HS3ST4: variants seen among roughly 807,000 people sequenced by gnomAD.
HS3ST4 encodes the protein heparan sulfate glucosamine 3-O-sulfotransferase 4.
In HS3ST4, 17 loss-of-function variants were observed where a neutral mutation model predicts 29.2. That is an observed-to-expected ratio of 0.58 (90% CI 0.40 to 0.87). The LOEUF is 0.87. Ranked by LOEUF, HS3ST4 falls within the 40% of genes least tolerant of loss-of-function variation. The pLI, the probability that HS3ST4 is intolerant of heterozygous loss-of-function variation, is 0.00. For synonymous variants in HS3ST4, 314 were observed against 285.7 expected (o/e 1.10, Z -1.00); for missense variants, 627 against 634.5 (o/e 0.99, Z 0.13).
chr16:25,788,722 G>T (rs539958351), intron 1 of HS3ST4, among the ~76,000 whole-genome samples: 6 of 149,674 alleles, frequency 4.0e-5, no homozygotes, highest in Non-Finnish European at 5.9e-5. Context: ...TTTTTTTTTT[G>T]TAGAGATGGG....
rs114002848 is a variant in HS3ST4 at position 25,936,188 on chromosome 16, G to A, written c.735-199424G>A. On this transcript the variant is annotated intron_variant, in intron 1 of 1. Transcript: ENST00000331351. The stretch of plus-strand genomic sequence containing the variant: ...AATGATACCATTATGTGGATTTCCA[G>A]CAGGAATGGATATTTCTTTCAGCAC... Among the ~76,000 whole-genome samples, 734 of 152,294 alleles carry A rather than the reference G, an allele frequency of 4.8e-3. 8 individuals are homozygous for A. Among genetic ancestry groups the A allele is most frequent in the African/African-American group, 0.017 (692 of 41,550 alleles).
At position 25,849,108 on chromosome 16, in the gene HS3ST4, T is replaced by C. The variant is rs149873403; in HGVS notation, c.734+155957T>C. 4.9e-4 allele frequency among the ~76,000 whole-genome samples: 74 copies of C among 152,344 alleles called. 1 individual carries two copies. The highest frequency in any genetic ancestry group is 1.6e-3 in the African/African-American group (68 of 41,580). ...TTTTTGGTTCTTGGCCATCTGTTTG[T>C]TAATAATGTCTACATTTACTGTGTT... On this transcript the variant is annotated intron_variant, in intron 1 of 1. Transcript: ENST00000331351.
intron 1 of HS3ST4, among the ~76,000 whole-genome samples, chr16:25,847,013 GT>G (rs5816327): frequency 0.35 from 48,998 of 138,214 alleles, 7,791 homozygotes; most frequent in Middle Eastern, 0.47. Context: ...ATCAACACGA[GT>G]TTTTTTTTTT....
intron 1 of HS3ST4, among the ~76,000 whole-genome samples, chr16:25,819,536 T>G (rs759177866): frequency 1.1e-4 from 16 of 152,136 alleles, no homozygotes; most frequent in Non-Finnish European, 1.8e-4. Flanking sequence ...GGCCGTCTGT[T>G]TTGCGCTGGT....
At chr16:25,925,003 T>A (rs902716621) in intron 1 of HS3ST4, among the ~76,000 whole-genome samples, 3 of 152,034 alleles carry the variant, frequency 2.0e-5, no homozygotes, top group African/African-American at 7.3e-5. Flanking sequence ...ATACAGGGCA[T>A]GTAATAAATC....
At chr16:26,031,268 C>T (rs1028508231) in intron 1 of HS3ST4, among the ~76,000 whole-genome samples, 1 of 152,050 alleles carries the variant, frequency 6.6e-6, no homozygotes, top group Non-Finnish European at 1.5e-5. Context: ...CGCCACTCCC[C>T]GCCCCGGGAA....
chr16:26,023,705 C>T (rs1261748117), intron 1 of HS3ST4, among the ~76,000 whole-genome samples: 1 of 152,016 alleles, frequency 6.6e-6, no homozygotes, highest in Non-Finnish European at 1.5e-5. Context: ...TCCCACCTGG[C>T]CAATAATTTA....
At chr16:25,732,989 A>T (rs1966581608) in intron 1 of HS3ST4, among the ~76,000 whole-genome samples, 1 of 151,956 alleles carries the variant, frequency 6.6e-6, no homozygotes, top group Admixed American at 6.6e-5. Flanking sequence ...AAAACAACAC[A>T]CTCAGGATCT....
chr16:26,043,943 C>A (rs1596661090), intron 1 of HS3ST4, among the ~76,000 whole-genome samples: 1 of 152,218 alleles, frequency 6.6e-6, no homozygotes, highest in Non-Finnish European at 1.5e-5. Context: ...ATGCAAGAAC[C>A]TCTTAACCAG....
intron 1 of HS3ST4, among the ~76,000 whole-genome samples, chr16:25,768,943 C>T (rs117054647): frequency 0.013 from 1,934 of 152,224 alleles, 16 homozygotes; most frequent in Non-Finnish European, 0.022. Flanking sequence ...TCTAGTTTGC[C>T]ATAGTCCCCA....
At chr16:25,693,680 G>A (rs924526057) in intron 1 of HS3ST4, among the ~76,000 whole-genome samples, 1 of 152,170 alleles carries the variant, frequency 6.6e-6, no homozygotes, top group Non-Finnish European at 1.5e-5. Flanking sequence ...TCATGCTGGC[G>A]TTTTGGCTTT....
chr16:26,049,049 C>T (rs138341620), intron 1 of HS3ST4, among the ~76,000 whole-genome samples: 3 of 152,016 alleles, frequency 2.0e-5, no homozygotes, highest in African/African-American at 7.2e-5. Flanking sequence ...TTGTTTTCAC[C>T]TTATTTAATT....
At chr16:25,869,809 G>T (rs1967730938) in intron 1 of HS3ST4, among the ~76,000 whole-genome samples, 1 of 152,200 alleles carries the variant, frequency 6.6e-6, no homozygotes, top group Admixed American at 6.5e-5. Context: ...TGGACTCTGT[G>T]CTAGGGCATT....
chr16:25,864,600 G>A (rs1445029940), intron 1 of HS3ST4, among the ~76,000 whole-genome samples: 1 of 151,896 alleles, frequency 6.6e-6, no homozygotes, highest in African/African-American at 2.4e-5. Flanking sequence ...CCTCTTCTAT[G>A]GGTTCCACAT....
intron 1 of HS3ST4, among the ~76,000 whole-genome samples, chr16:25,997,340 C>A (rs940953619): frequency 1.3e-5 from 2 of 152,128 alleles, no homozygotes; most frequent in African/African-American, 4.8e-5. Context: ...ATTTCAAAAT[C>A]AACAGTTCTT....
At chr16:26,100,893 G>C (rs964757571) in intron 1 of HS3ST4, among the ~76,000 whole-genome samples, 1 of 152,118 alleles carries the variant, frequency 6.6e-6, no homozygotes, top group African/African-American at 2.4e-5. Context: ...CCATTTTGCA[G>C]ATGGGGCGAT....
At chr16:25,791,049 A>G (rs745537512) in intron 1 of HS3ST4, among the ~76,000 whole-genome samples, 9 of 151,878 alleles carry the variant, frequency 5.9e-5, no homozygotes, top group Non-Finnish European at 1.2e-4. Context: ...CAATTTATAT[A>G]TGATTGATTT....
chr16:26,083,260 A>T (rs993645974), intron 1 of HS3ST4, among the ~76,000 whole-genome samples: 3 of 152,210 alleles, frequency 2.0e-5, no homozygotes, highest in African/African-American at 7.2e-5. Context: ...TATTCCCCAG[A>T]TCTAGGCACA....
intron 1 of HS3ST4, among the ~76,000 whole-genome samples, chr16:25,875,253 G>A (rs34705278): frequency 0.26 from 39,587 of 152,060 alleles, 5,654 homozygotes; most frequent in Non-Finnish European, 0.33. Context: ...ATACCTGGAT[G>A]TGAGCCCGGT....
Sources: gnomAD v4.1 joint callset for allele counts (sites outside exome capture counted in the v4.1 genomes callset) on GRCh38, gnomAD v4.1.1 for gene constraint, MANE v1.5 for transcripts, NCBI Gene and HGNC (gene_info 2026-07-23, HGNC 2026-07-21) for gene names.